CSMD1: variants seen among roughly 807,000 people sequenced by gnomAD.
CSMD1 encodes CUB and sushi domain-containing protein 1.
A neutral mutation model predicts 417.5 loss-of-function variants in CSMD1; 213 were observed. That is an observed-to-expected ratio of 0.51 (90% CI 0.46 to 0.57). The LOEUF (loss-of-function observed/expected upper bound fraction) is 0.57. Ranked by LOEUF, CSMD1 falls within the 20% of genes least tolerant of loss-of-function variation. CSMD1 has a pLI of 0.00. For missense variants in CSMD1, 6,923 were observed against 4,529.7 expected, an observed-to-expected ratio of 1.53 and a Z score of -15.17; for synonymous variants, 2,862 against 1,736.8, an observed-to-expected ratio of 1.65 and a Z score of -16.11.
chr8:3,801,379 T>C (rs1238815586), intron 5 of CSMD1, among the ~76,000 whole-genome samples: 1 of 152,112 alleles, frequency 6.6e-6, no homozygotes, highest in Non-Finnish European at 1.5e-5. Flanking sequence ...TCATTAGTCA[T>C]TTAAGAAATT....
chr8:4,340,516 C>G (rs767509510), intron 3 of CSMD1, among the ~76,000 whole-genome samples: 1 of 152,002 alleles, frequency 6.6e-6, no homozygotes, highest in Non-Finnish European at 1.5e-5. Context: ...CATGGTTAGA[C>G]TTTATTATAT....
chr8:4,790,234 G>A (rs1797621231), intron 1 of CSMD1, among the ~76,000 whole-genome samples: 1 of 152,040 alleles, frequency 6.6e-6, no homozygotes, highest in Non-Finnish European at 1.5e-5. Flanking sequence ...ATTCAAAATA[G>A]CCATAAAAAG....
At chr8:4,375,370 C>T (rs977376346) in intron 3 of CSMD1, among the ~76,000 whole-genome samples, 14 of 152,104 alleles carry the variant, frequency 9.2e-5, no homozygotes, top group Admixed American at 3.9e-4. Flanking sequence ...CACAGGGGCA[C>T]TTTTGAGAGG....
intron 3 of CSMD1, among the ~76,000 whole-genome samples, chr8:4,122,900 C>T (rs748915298): frequency 5.3e-5 from 8 of 152,178 alleles, no homozygotes; most frequent in African/African-American, 7.2e-5. Context: ...CTAATAGCTA[C>T]GAGACCCTTT....
intron 1 of CSMD1, among the ~76,000 whole-genome samples, chr8:4,829,276 A>G (rs997302543): frequency 8.5e-5 from 13 of 152,290 alleles, no homozygotes; most frequent in Middle Eastern, 3.4e-3. Flanking sequence ...GAGTTTGACA[A>G]TATTTAGTCA....
chr8:3,331,035 G>A (rs1328582233), intron 23 of CSMD1, among the ~76,000 whole-genome samples: 3 of 152,048 alleles, frequency 2.0e-5, no homozygotes, highest in Admixed American at 6.5e-5. Flanking sequence ...CGGATCACCA[G>A]GTCAGGATAT....
chr8:3,741,213 TAAAAAAAAAAAAAA>T (rs58662516), intron 6 of CSMD1, among the ~76,000 whole-genome samples: 3 of 67,276 alleles, frequency 4.5e-5, no homozygotes, highest in African/African-American at 1.8e-4. Flanking sequence ...GACTCCGTCT[TAAAAAAAAAAAAAA>T]AAAAAAAAAA....
At chr8:4,445,056 G>A (rs544182754) in intron 2 of CSMD1, among the ~76,000 whole-genome samples, 12 of 152,274 alleles carry the variant, frequency 7.9e-5, no homozygotes, top group East Asian at 1.9e-4. Context: ...GCACATTTAT[G>A]CACTCATACA....
At chr8:3,065,804 G>C (rs1164220667) in intron 49 of CSMD1, among the ~76,000 whole-genome samples, 1 of 152,146 alleles carries the variant, frequency 6.6e-6, no homozygotes, top group African/African-American at 2.4e-5. Flanking sequence ...TAAATCAAAA[G>C]TATTAACAAA....
chr8:4,200,036 A>C (rs762196869), intron 3 of CSMD1, among the ~76,000 whole-genome samples: 2 of 152,230 alleles, frequency 1.3e-5, no homozygotes. Flanking sequence ...TTGAGGTGCC[A>C]TAAAATCCTG....
chr8:3,824,262 A>C (rs1379751363), intron 5 of CSMD1, among the ~76,000 whole-genome samples: 2 of 152,190 alleles, frequency 1.3e-5, no homozygotes, highest in Non-Finnish European at 2.9e-5. Flanking sequence ...CAAAAAAAAA[A>C]AACTGCTGAC....
chr8:3,787,906 T>G (rs190254909), intron 5 of CSMD1, among the ~76,000 whole-genome samples: 1 of 152,322 alleles, frequency 6.6e-6, no homozygotes, highest in East Asian at 1.9e-4. Flanking sequence ...TTTGCCAGAT[T>G]AAATCTCTGT....
intron 3 of CSMD1, among the ~76,000 whole-genome samples, chr8:4,044,921 T>TA (rs1314841284): frequency 1.1e-4 from 15 of 142,346 alleles, no homozygotes; most frequent in South Asian, 4.3e-4. Context: ...AAGTTAAATT[T>TA]AAAAAAATGT....
intron 60 of CSMD1, 108 bp from the exon 61 acceptor site, chr8:2,962,747 C>T (rs751057225): frequency 2.5e-6 from 3 of 1,199,276 alleles, no homozygotes; most frequent in Non-Finnish European, 3.4e-6. Context: ...AACTATTAAA[C>T]AAGAAAAACG....
intron 5 of CSMD1, among the ~76,000 whole-genome samples, chr8:3,793,753 G>T (rs972081422): frequency 1.3e-5 from 2 of 151,972 alleles, no homozygotes; most frequent in African/African-American, 2.4e-5. Context: ...GATCTCTCTG[G>T]AACTGGTAGG....
At chr8:3,005,095 C>A (rs1241588898) in intron 52 of CSMD1, among the ~76,000 whole-genome samples, 1 of 152,126 alleles carries the variant, frequency 6.6e-6, no homozygotes, top group Non-Finnish European at 1.5e-5. Flanking sequence ...GCCGAGATTG[C>A]ACCACTGCAC....
intron 1 of CSMD1, among the ~76,000 whole-genome samples, chr8:4,954,975 G>A (rs1338820936): frequency 2.0e-5 from 3 of 152,152 alleles, no homozygotes; most frequent in African/African-American, 7.2e-5. Context: ...GAATGTTCCT[G>A]TCTAATTTTT....
At chr8:3,610,603 C>T (rs1801844188) in intron 8 of CSMD1, among the ~76,000 whole-genome samples, 1 of 152,168 alleles carries the variant, frequency 6.6e-6, no homozygotes, top group Admixed American at 6.5e-5. Flanking sequence ...ATGATCACTA[C>T]ACAATCCTAA....
At chr8:3,701,435 C>T (rs568106260) in intron 7 of CSMD1, among the ~76,000 whole-genome samples, 2 of 152,210 alleles carry the variant, frequency 1.3e-5, no homozygotes, top group South Asian at 2.1e-4. Flanking sequence ...ACCGAAGCTG[C>T]TGCTGGCGGT....
Sources: allele counts gnomAD v4.1 joint callset (sites outside exome capture counted in the v4.1 genomes callset), GRCh38; gene constraint gnomAD v4.1.1; transcripts MANE v1.5; gene names NCBI Gene and HGNC (gene_info 2026-07-23, HGNC 2026-07-21).